The following GNG2 variants were observed in gnomAD, a reference collection of about 807,000 sequenced individuals.
GNG2 encodes the protein G protein subunit gamma 2.
GNG2 carries 5 observed loss-of-function variants against 5.5 expected under a neutral mutation model. That is an observed-to-expected ratio of 0.91 (90% confidence interval 0.48 to 1.92). GNG2 has a LOEUF of 1.92. Among genes scored for constraint, GNG2 ranks in the 30% most tolerant of loss-of-function variants. The pLI is 0.01. For missense variants in GNG2, 55 were observed against 88.4 expected (o/e 0.62, Z 1.52); for synonymous variants, 28 against 32.0 (o/e 0.88, Z 0.42).
At chr14:51,871,476 G>A (rs1470978001) in intron 1 of GNG2, among the ~76,000 whole-genome samples, 1 of 152,220 alleles carries the variant, frequency 6.6e-6, no homozygotes, top group East Asian at 1.9e-4. Context: ...AATTACTTGG[G>A]CAAATTGCTT....
chr14:51,848,194 C>A (rs1415981078), intron 2 of GNG2, among the ~76,000 whole-genome samples: 1 of 152,116 alleles, frequency 6.6e-6, no homozygotes, highest in African/African-American at 2.4e-5. Context: ...CTCCCCCTTG[C>A]CTTTACTATT....
intron 1 of GNG2, among the ~76,000 whole-genome samples, chr14:51,867,258 G>A (rs1462410635): frequency 6.6e-6 from 1 of 151,952 alleles, no homozygotes; most frequent in Non-Finnish European, 1.5e-5. Flanking sequence ...TTGCTGTGTG[G>A]GTCAGTCCCA....
At chr14:51,919,902 T>C (rs1886907865) in intron 2 of GNG2, among the ~76,000 whole-genome samples, 1 of 152,192 alleles carries the variant, frequency 6.6e-6, no homozygotes, top group South Asian at 2.1e-4. Context: ...TAAAAATAGA[T>C]ATGGCCCCTG....
At chr14:51,855,825 G>C (rs1450468505), upstream of GNG2, among the ~76,000 whole-genome samples, 3 of 152,058 alleles carry the variant, frequency 2.0e-5, no homozygotes, top group African/African-American at 7.3e-5. Context: ...CTGACCAACA[G>C]ACCTACCTAT....
intron 3 of GNG2, among the ~76,000 whole-genome samples, chr14:51,962,266 T>C (rs1006998614): frequency 6.6e-6 from 1 of 152,184 alleles, no homozygotes; most frequent in Non-Finnish European, 1.5e-5. Flanking sequence ...AGGTACTCCT[T>C]TGTTAACTGA....
intron 2 of GNG2, among the ~76,000 whole-genome samples, chr14:51,846,027 C>T (rs949730244): frequency 2.6e-5 from 4 of 152,108 alleles, no homozygotes; most frequent in African/African-American, 4.8e-5. Flanking sequence ...ATAGGTATTA[C>T]AAAATGACCT....
rs544129890 is a variant in GNG2 at position 51,881,385 on chromosome 14, C to T, written c.-30+3728C>T. 3.9e-5 allele frequency among the ~76,000 whole-genome samples: 6 copies of T among 152,202 alleles called. No homozygotes were observed. In the South Asian group the frequency reaches 1.0e-3, roughly 26 times the overall value. On this transcript the variant is annotated intron_variant, in intron 2 of 3. Transcript: ENST00000556766. ...GTCTCATTTGGTTCTAAGAACATGGCGCTTCCTGACTCCCAGCGGTGGAGC... is the reference window on the plus strand; with the variant it reads ...GTCTCATTTGGTTCTAAGAACATGGTGCTTCCTGACTCCCAGCGGTGGAGC...
At chr14:51,865,467 T>G (rs1882814267) in intron 1 of GNG2, among the ~76,000 whole-genome samples, 1 of 152,180 alleles carries the variant, frequency 6.6e-6, no homozygotes, top group African/African-American at 2.4e-5. Context: ...ATAAAAAATT[T>G]ATAAAGGACT....
chr14:51,838,114 A>G (rs1030408880), intron 2 of GNG2, among the ~76,000 whole-genome samples: 1 of 152,084 alleles, frequency 6.6e-6, no homozygotes, highest in African/African-American at 2.4e-5. Context: ...CCTTATGCAT[A>G]TTATATGGCA....
At chr14:51,896,524 A>C (rs1885202946) in intron 2 of GNG2, among the ~76,000 whole-genome samples, 1 of 152,140 alleles carries the variant, frequency 6.6e-6, no homozygotes, top group Non-Finnish European at 1.5e-5. Flanking sequence ...AATAGCCTAA[A>C]TGTTCTTTTT....
intron 2 of GNG2, among the ~76,000 whole-genome samples, chr14:51,887,952 T>G (rs1418725158): frequency 6.6e-6 from 1 of 152,232 alleles, no homozygotes; most frequent in African/African-American, 2.4e-5. Flanking sequence ...TGTAATTTGA[T>G]GAGTATGCCT....
At chr14:51,863,010 GC>G (rs1291439914) in intron 1 of GNG2, among the ~76,000 whole-genome samples, 1 of 144,506 alleles carries the variant, frequency 6.9e-6, no homozygotes, top group African/African-American at 2.6e-5. Flanking sequence ...CTGCCATATG[GC>G]CAATGGCTGA....
At chr14:51,939,116 A>G (rs1027870933) in intron 2 of GNG2, among the ~76,000 whole-genome samples, 2 of 152,216 alleles carry the variant, frequency 1.3e-5, no homozygotes, top group African/African-American at 2.4e-5. Flanking sequence ...TATTAAAAAA[A>G]AAATCCAACA....
At chr14:51,867,323 T>A (rs2140113956) in intron 1 of GNG2, among the ~76,000 whole-genome samples, 1 of 152,342 alleles carries the variant, frequency 6.6e-6, no homozygotes, top group South Asian at 2.1e-4. Context: ...TACAGCAAGC[T>A]GCCTGCAAAT....
intron 2 of GNG2, among the ~76,000 whole-genome samples, chr14:51,936,137 T>A (rs1440082818): frequency 6.6e-6 from 1 of 152,156 alleles, no homozygotes; most frequent in Non-Finnish European, 1.5e-5. Flanking sequence ...GGCTCCATGC[T>A]TTGGGAGGAA....
chr14:51,859,465 G>C (rs1203970773), upstream of GNG2, among the ~76,000 whole-genome samples: 3 of 152,216 alleles, frequency 2.0e-5, no homozygotes, highest in Admixed American at 6.5e-5. Flanking sequence ...ATCACTTGCT[G>C]AATGTGAGGC....
At chr14:51,958,366 GC>G (rs11301975) in intron 3 of GNG2, among the ~76,000 whole-genome samples, 53,921 of 144,340 alleles carry the variant, frequency 0.37, 10,286 homozygotes, top group Non-Finnish European at 0.4. Context: ...AAGTGTTGCT[GC>G]CCCCCAGGAC....
chr14:51,932,624 T>C (rs994700140), intron 2 of GNG2, among the ~76,000 whole-genome samples: 3 of 152,046 alleles, frequency 2.0e-5, no homozygotes, highest in African/African-American at 7.3e-5. Flanking sequence ...ACTCTGTCTC[T>C]AAAATAAATT....
chr14:51,895,963 C>T (rs931786452), intron 2 of GNG2, among the ~76,000 whole-genome samples: 2 of 152,210 alleles, frequency 1.3e-5, no homozygotes, highest in African/African-American at 4.8e-5. Context: ...GTGAGGCTTC[C>T]CCAGCTATGT....
Sources: gnomAD v4.1 joint callset for allele counts (sites outside exome capture counted in the v4.1 genomes callset) on GRCh38, gnomAD v4.1.1 for gene constraint, MANE v1.5 for transcripts, NCBI Gene and HGNC (gene_info 2026-07-23, HGNC 2026-07-21) for gene names.